The following KANSL3 variants were observed in gnomAD, a reference collection of about 807,000 sequenced individuals.
KANSL3 encodes the protein NSL complex protein NSL3.
KANSL3 carries 16 observed loss-of-function variants against 89.2 expected under a neutral mutation model. That is an observed-to-expected ratio of 0.18 (90% CI 0.12 to 0.27). The LOEUF is 0.27. KANSL3 is among the 10% of genes least tolerant of loss of function. The pLI is 1.00. For synonymous variants in KANSL3, 385 were observed against 419.7 expected (o/e 0.92, Z 1.01); for missense variants, 879 against 1,110.6 (o/e 0.79, Z 2.96).
chr2:96,613,698 G>A (rs1365821555), intron 5 of KANSL3, 79 bp from the exon 6 acceptor site: 4 of 1,391,228 alleles, frequency 2.9e-6, no homozygotes, highest in African/African-American at 2.9e-5. Flanking sequence ...CAGAAGAACA[G>A]AGCCCCACTA....
chr2:96,627,415 A>C (rs1259863859), intron 3 of KANSL3, among the ~76,000 whole-genome samples: 2 of 151,994 alleles, frequency 1.3e-5, no homozygotes, highest in Non-Finnish European at 2.9e-5. Flanking sequence ...GGGTTTCACT[A>C]TGTTGGTCAG....
chr2:96,593,540 G>GC lies in KANSL3; in HGVS notation c.*2070dup, dbSNP rs1234457628. 2.9e-6 allele frequency: 1 copy of GC among 344,964 alleles called. No homozygotes were observed. Among genetic ancestry groups the GC allele is most frequent in the Non-Finnish European group, 5.7e-6 (1 of 174,654 alleles). 21.4% of individuals were successfully genotyped at this position (344,964 alleles called of 1,614,324 possible). ...TCAGCCACTTCCTCTGTTACCCTGT[G>GC]CAAGTTGTAGAACAATCCACGTTCT... On this transcript the variant is annotated 3_prime_UTR_variant, in exon 21 of 21. Coordinates refer to ENST00000431828, the MANE Select transcript of KANSL3 (RefSeq NM_001115016.3).
rs369040753 is a variant in KANSL3, at chr2:96,615,633, G to A, written c.664-2014C>T. ...AAAATTGGAGAATAAAAAGTACTACGGTTTGATGCAAGTTGTAAAACTCCA... is the reference window on the plus strand; with the variant it reads ...AAAATTGGAGAATAAAAAGTACTACAGTTTGATGCAAGTTGTAAAACTCCA... On this transcript the variant is annotated intron_variant, in intron 5 of 20. Coordinates refer to ENST00000431828, the MANE Select transcript of KANSL3 (RefSeq NM_001115016.3). 195 of 522,604 alleles carry A rather than the reference G, an allele frequency of 3.7e-4. No homozygotes were observed. The East Asian group carries it at 4.2e-3, about 11-fold the overall frequency. The allele number at this position is 522,604 out of a possible 1,614,324, so 32.4% of individuals were successfully genotyped here.
At chr2:96,608,451 T>G in intron 14 of KANSL3, 57 bp downstream of exon 14, 2 of 1,574,838 alleles carry the variant, frequency 1.3e-6, no homozygotes, top group South Asian at 2.2e-5. Flanking sequence ...GCAACTGCCA[T>G]GTGACATGAA....
In KANSL3 at chr2:96,593,228, G is replaced by A. The variant is rs1475208790; in HGVS notation, c.*2383C>T. 11 of 455,392 alleles carry A rather than the reference G, an allele frequency of 2.4e-5. 1 individual carries two copies. Among genetic ancestry groups the A allele is most frequent in the South Asian group, 9.3e-5 (6 of 64,502 alleles). The allele number at this position is 455,392 out of a possible 1,614,324, so 28.2% of individuals were successfully genotyped here. A position where few individuals can be genotyped will look rare whatever the true frequency, so the allele number is the denominator to read the frequency against. ...ATGTAAAAACAGAACCATCACAGCC[G>A]CTCAGCTCTATAACCCATCCAGCCC... is the stretch of plus-strand genomic sequence containing the variant. On this transcript the variant is annotated 3_prime_UTR_variant, in exon 21 of 21. Transcript: ENST00000431828.
chr2:96,581,158 G>T, the KANSL3 span, among the ~76,000 whole-genome samples: 2 of 152,330 alleles, frequency 1.3e-5, no homozygotes, highest in East Asian at 3.9e-4. Context: ...GGGCACGGTG[G>T]CTCACGCCTG....
At chr2:96,611,020 T>C in intron 10 of KANSL3, 44 bp downstream of exon 10, 1 of 1,597,078 alleles carries the variant, frequency 6.3e-7, no homozygotes, top group Non-Finnish European at 8.6e-7. Context: ...ACACTCGCGC[T>C]CCCACTGCCA....
chr2:96,608,735 C>T (rs1455134227), intron 13 of KANSL3, 71 bp from the exon 14 acceptor site: 2 of 1,595,730 alleles, frequency 1.3e-6, no homozygotes, highest in African/African-American at 2.7e-5. Flanking sequence ...GCATGTCCCT[C>T]TGGAATTCCC....
chr2:96,620,326 T>C (rs1382634757), intron 3 of KANSL3, among the ~76,000 whole-genome samples: 2 of 152,216 alleles, frequency 1.3e-5, no homozygotes, highest in African/African-American at 4.8e-5. Context: ...ATCTCTCTTT[T>C]CCATATATAT....
intron 3 of KANSL3, among the ~76,000 whole-genome samples, chr2:96,627,378 TA>T (rs1341823638): frequency 6.6e-6 from 1 of 152,038 alleles, no homozygotes; most frequent in Non-Finnish European, 1.5e-5. Flanking sequence ...CCACACCAGC[TA>T]ATTTTTACTA....
At chr2:96,584,734 T>G in the KANSL3 span, among the ~76,000 whole-genome samples, 1 of 152,156 alleles carries the variant, frequency 6.6e-6, no homozygotes, top group African/African-American at 2.4e-5. Context: ...TCATTGTGTA[T>G]ATATATATCC....
At chr2:96,630,328 T>C (rs914363423) in intron 3 of KANSL3, among the ~76,000 whole-genome samples, 2 of 152,228 alleles carry the variant, frequency 1.3e-5, no homozygotes, top group Non-Finnish European at 2.9e-5. Context: ...TACAATGTAA[T>C]GTCATTTGGC....
chr2:96,592,669 T>A (rs888310609), downstream of KANSL3, among the ~76,000 whole-genome samples: 48 of 152,220 alleles, frequency 3.2e-4, no homozygotes, highest in African/African-American at 1.2e-3. Flanking sequence ...TGCCATTTCC[T>A]GCTGTTTTGA....
At chr2:96,607,623 C>G (rs553145880) in intron 14 of KANSL3, among the ~76,000 whole-genome samples, 1 of 152,320 alleles carries the variant, frequency 6.6e-6, no homozygotes, top group African/African-American at 2.4e-5. Flanking sequence ...TCAACTCCTC[C>G]CATCCACTCA....
At chr2:96,609,714 C>A (rs1469103350) in intron 11 of KANSL3, among the ~76,000 whole-genome samples, 152 bp from the exon 12 acceptor site, 1 of 152,044 alleles carries the variant, frequency 6.6e-6, no homozygotes, top group East Asian at 1.9e-4. Context: ...CTCTCCGAAC[C>A]TGTTTCCGTG....
chr2:96,605,447 T>C lies in KANSL3; in HGVS notation c.1806A>G (p.Arg602=), dbSNP rs2067835724. 1 of 1,613,998 alleles carries C rather than the reference T, an allele frequency of 6.2e-7. No homozygotes were observed. Among genetic ancestry groups the C allele is most frequent in the East Asian group, 2.2e-5 (1 of 44,886 alleles). ...CAGGAAGGGGACTCGAGGGATGGTG[T>C]CGCTTCAGCTGAACCCTAAGATCCT... ...EKEDLRVQLK[R]HHPSSPLPGS... Residue 602 remains arginine, a synonymous_variant, in exon 15 of 21, where the codon CGA becomes CGG. Coordinates refer to ENST00000431828, the MANE Select transcript of KANSL3 (RefSeq NM_001115016.3).
At chr2:96,606,308 C>G (rs1305258343) in intron 14 of KANSL3, 1 of 152,640 alleles carries the variant, frequency 6.6e-6, no homozygotes, top group Non-Finnish European at 1.5e-5. Flanking sequence ...ACAGGCTCAT[C>G]ATGTATACAG....
intron 20 of KANSL3, among the ~76,000 whole-genome samples, chr2:96,599,319 A>G (rs1248010949): frequency 6.6e-6 from 1 of 152,182 alleles, no homozygotes; most frequent in Non-Finnish European, 1.5e-5. Context: ...GATGACAGAA[A>G]AGTTCTGGAG....
At chr2:96,598,124 G>A in intron 20 of KANSL3, 4 of 985,430 alleles carry the variant, frequency 4.1e-6, no homozygotes, top group Non-Finnish European at 4.8e-6. Context: ...CTGTGTTCTA[G>A]TTGTCCATCA....
Sources: gnomAD v4.1 joint callset for allele counts (sites outside exome capture counted in the v4.1 genomes callset) on GRCh38, gnomAD v4.1.1 for gene constraint, MANE v1.5 for transcripts, NCBI Gene and HGNC (gene_info 2026-07-23, HGNC 2026-07-21) for gene names.